Variants in RANBP9 observed in about 807,000 individuals in gnomAD.
The protein encoded by RANBP9 is ran-binding protein 9.
RANBP9 carries 15 observed loss-of-function variants against 84.3 expected under a neutral mutation model. The ratio of observed to expected loss-of-function variants is 0.18; its 90% CI spans 0.12 to 0.27. The LOEUF (loss-of-function observed/expected upper bound fraction) is 0.27. RANBP9 is among the 10% of genes least tolerant of loss of function. RANBP9 has a pLI of 1.00. For synonymous variants in RANBP9, 392 were observed against 349.6 expected (o/e 1.12, Z -1.35); for missense variants, 809 against 912.8 (o/e 0.89, Z 1.46).
intron 12 of RANBP9, 44 bp from the exon 13 acceptor site, chr6:13,625,808 C>T: frequency 7.5e-7 from 1 of 1,330,478 alleles, no homozygotes; most frequent in Non-Finnish European, 1.1e-6. Flanking sequence ...AATAGTTCAA[C>T]TATTATGCTC....
intron 7 of RANBP9, among the ~76,000 whole-genome samples, chr6:13,641,541 C>T (rs958262738): frequency 5.9e-5 from 9 of 151,770 alleles, no homozygotes; most frequent in South Asian, 2.1e-4. Flanking sequence ...CACGAACATA[C>T]GAGTAATATA....
chr6:13,630,689 C>G (rs1764754935), intron 12 of RANBP9, among the ~76,000 whole-genome samples: 2 of 152,118 alleles, frequency 1.3e-5, no homozygotes, highest in South Asian at 4.1e-4. Flanking sequence ...TTTCCTCTGA[C>G]TATATAGTGG....
At chr6:13,667,741 G>A (rs144723515) in intron 2 of RANBP9, among the ~76,000 whole-genome samples, 2 of 152,090 alleles carry the variant, frequency 1.3e-5, no homozygotes, top group Admixed American at 1.3e-4. Context: ...CATGGCCTAG[G>A]TGTTTAATAA....
chr6:13,651,441 C>G (rs1458642383), intron 5 of RANBP9, among the ~76,000 whole-genome samples: 1 of 151,736 alleles, frequency 6.6e-6, no homozygotes, highest in East Asian at 1.9e-4. Context: ...GTCACCCAGG[C>G]TGGAGTGCAG....
intron 2 of RANBP9, among the ~76,000 whole-genome samples, chr6:13,686,712 T>C (rs1281699008): frequency 6.6e-6 from 1 of 152,204 alleles, no homozygotes; most frequent in Non-Finnish European, 1.5e-5. Flanking sequence ...CCTTGAATTA[T>C]CAAATTGGCA....
rs781232063 is a variant in RANBP9 at position 13,642,504 on chromosome 6, T to G, written c.1200A>C (p.Glu400Asp). The change falls in exon 7 of 14, where the codon GAA (glutamate) becomes GAC (aspartate). Residue 400 changes from glutamate (E) to aspartate (D), a missense_variant. Around this residue, in one of 5 missense-constraint regions of RANBP9, gnomAD observed 216 missense variants for 329.0 expected, o/e 0.66. Coordinates refer to ENST00000011619, the MANE Select transcript of RANBP9 (RefSeq NM_005493.3). ...ARSTDQTVLE[E>D]LASIKNRQRI... ...TTTGTCTATTCTTAATGGAAGCTAA[T>G]TCTTCTAGAACGGTCTGGTCTGTAG... 4 of 1,600,578 alleles carry G rather than the reference T, an allele frequency of 2.5e-6. No homozygotes were observed. In the Admixed American group the frequency reaches 5.1e-5, roughly 20 times the overall value.
At chr6:13,677,476 T>C (rs1765920446) in intron 2 of RANBP9, among the ~76,000 whole-genome samples, 1 of 152,186 alleles carries the variant, frequency 6.6e-6, no homozygotes, top group African/African-American at 2.4e-5. Context: ...TTTTTTTATC[T>C]TACAAGACCT....
intron 5 of RANBP9, among the ~76,000 whole-genome samples, chr6:13,649,462 A>G (rs1047483205): frequency 6.1e-4 from 26 of 42,752 alleles, no homozygotes; most frequent in African/African-American, 2.4e-3. Context: ...GCCACAACAG[A>G]AAAAAAAAAA....
At chr6:13,632,666 T>C in intron 11 of RANBP9, 145 bp from the exon 12 acceptor site, 1 of 784,268 alleles carries the variant, frequency 1.3e-6, no homozygotes. Context: ...AAAAATTCAT[T>C]TTTAATATGA....
At chr6:13,708,464 C>G (rs893426782) in intron 1 of RANBP9, among the ~76,000 whole-genome samples, 5 of 152,016 alleles carry the variant, frequency 3.3e-5, no homozygotes, top group Non-Finnish European at 2.9e-5. Flanking sequence ...CAACAAAAAA[C>G]CAGAATACCT....
At chr6:13,639,892 T>A in intron 8 of RANBP9, 139 bp from the exon 9 acceptor site, 1 of 707,690 alleles carries the variant, frequency 1.4e-6, no homozygotes, top group Non-Finnish European at 2.3e-6. Flanking sequence ...ATATTAAATA[T>A]GGTGTCCTAT....
chr6:13,682,911 A>T (rs928353428), intron 2 of RANBP9, among the ~76,000 whole-genome samples: 21 of 152,220 alleles, frequency 1.4e-4, no homozygotes, highest in Non-Finnish European at 5.9e-5. Context: ...GTGTGGATGT[A>T]CAGATCTATA....
intron 1 of RANBP9, 142 bp downstream of exon 1, chr6:13,710,793 G>T: frequency 1.1e-6 from 1 of 879,394 alleles, no homozygotes; most frequent in Non-Finnish European, 1.7e-6. Flanking sequence ...GCGCCCACCC[G>T]GAGCAGCACA....
chr6:13,624,302 A>G (rs1422944607), intron 13 of RANBP9, among the ~76,000 whole-genome samples: 4 of 152,200 alleles, frequency 2.6e-5, no homozygotes, highest in African/African-American at 9.6e-5. Flanking sequence ...TCTTGCTGTA[A>G]GAGTCCTGGC....
At chr6:13,638,336 TAC>T (rs1306420407) in intron 9 of RANBP9, among the ~76,000 whole-genome samples, 2 of 152,110 alleles carry the variant, frequency 1.3e-5, no homozygotes, top group African/African-American at 4.8e-5. Flanking sequence ...ACACTTGTTG[TAC>T]AGAGTGGTGA....
intron 2 of RANBP9, among the ~76,000 whole-genome samples, chr6:13,677,566 C>A (rs1765922577): frequency 6.6e-6 from 1 of 151,896 alleles, no homozygotes; most frequent in Admixed American, 6.6e-5. Flanking sequence ...CTTAAGAGCA[C>A]CAAAAGTTAG....
intron 5 of RANBP9, among the ~76,000 whole-genome samples, chr6:13,645,816 C>T (rs1765165242): frequency 6.6e-6 from 1 of 152,060 alleles, no homozygotes; most frequent in African/African-American, 2.4e-5. Flanking sequence ...AGGTAAAGAT[C>T]AAGAGCGGAT....
intron 2 of RANBP9, among the ~76,000 whole-genome samples, chr6:13,684,930 A>C (rs975984498): frequency 2.6e-5 from 4 of 152,180 alleles, no homozygotes; most frequent in Admixed American, 6.5e-5. Context: ...CCTAATTTAT[A>C]CTTAAAACCC....
chr6:13,673,693 A>G (rs190146047), intron 2 of RANBP9, among the ~76,000 whole-genome samples: 1 of 152,284 alleles, frequency 6.6e-6, no homozygotes, highest in African/African-American at 2.4e-5. Context: ...AAATGAACTT[A>G]GATGAGCTCT....
Sources: gnomAD v4.1 joint callset for allele counts (sites outside exome capture counted in the v4.1 genomes callset) on GRCh38, gnomAD v4.1.1 for gene constraint, gnomAD v4.1.1 regional missense constraint, MANE v1.5 for transcripts, NCBI Gene and HGNC (gene_info 2026-07-23, HGNC 2026-07-21) for gene names.